Variants in ERN1 observed in about 807,000 individuals in gnomAD.
The protein encoded by ERN1 is endoplasmic reticulum to nucleus signaling 1.
In ERN1, 39 loss-of-function variants were observed where a neutral mutation model predicts 113.1. That is an observed-to-expected ratio of 0.34 (90% confidence interval 0.27 to 0.45). The LOEUF (loss-of-function observed/expected upper bound fraction) is 0.45, where lower values mean the gene tolerates loss of function less well. Among genes scored for constraint, ERN1 ranks in the 20% least tolerant of loss-of-function variants. The pLI, the probability that ERN1 is intolerant of heterozygous loss-of-function variation, is 1.00. For missense variants in ERN1, 976 were observed against 1,274.8 expected, an observed-to-expected ratio of 0.77 and a Z score of 3.57; for synonymous variants, 507 against 515.9, an observed-to-expected ratio of 0.98 and a Z score of 0.23.
chr17:64,118,685 G>C (rs1319888480), intron 1 of ERN1, among the ~76,000 whole-genome samples: 3 of 152,200 alleles, frequency 2.0e-5, no homozygotes, highest in African/African-American at 4.8e-5. Context: ...AGCTAATAAA[G>C]ATCCTCTGAG....
intron 1 of ERN1, among the ~76,000 whole-genome samples, chr17:64,127,610 C>T (rs1915113333): frequency 1.3e-5 from 2 of 151,906 alleles, no homozygotes; most frequent in South Asian, 4.2e-4. Flanking sequence ...AAAAATTAGC[C>T]GGGTGTAGTG....
chr17:64,088,081 GAAGT>G (rs1398048693), intron 2 of ERN1, among the ~76,000 whole-genome samples: 1 of 152,230 alleles, frequency 6.6e-6, no homozygotes, highest in Non-Finnish European at 1.5e-5. Context: ...CATGTAGGAA[GAAGT>G]AAGATCCCTT....
intron 2 of ERN1, among the ~76,000 whole-genome samples, chr17:64,089,318 CAAAAAAAAAAAAAA>C (rs34094164): frequency 1.7e-4 from 4 of 24,236 alleles, no homozygotes; most frequent in Non-Finnish European, 3.4e-4. Context: ...GAATCCATCT[CAAAAAAAAAAAAAA>C]AAAAAAAAAA....
In ERN1 at chr17:64,042,455, C is replaced by G. The variant is rs1398856904; in HGVS notation, c.*1533G>C. On this transcript the variant is annotated 3_prime_UTR_variant, in exon 22 of 22. Coordinates refer to ENST00000433197, the MANE Select transcript of ERN1 (RefSeq NM_001433.5). ...GAAAACATCTTACAACATGAAGAAA[C>G]AGTGATTTCTCTGTGAGTAAAATTC... 6.6e-6 allele frequency: 1 copy of G among 152,144 alleles called. No homozygotes were observed. Among genetic ancestry groups the G allele is most frequent in the East Asian group, 1.9e-4 (1 of 5,190 alleles). The allele number at this position is 152,144 out of a possible 1,614,324, so 9.4% of individuals were successfully genotyped here.
In ERN1 at chr17:64,042,542, T is replaced by TC. The variant is rs1241432972; in HGVS notation, c.*1445dup. 2 of 152,140 alleles carry TC rather than the reference T, an allele frequency of 1.3e-5. No homozygotes were observed. The highest frequency in any genetic ancestry group is 2.9e-5 in the Non-Finnish European group (2 of 68,040). 9.4% of individuals were successfully genotyped at this position (152,140 alleles called of 1,614,324 possible). A position where few individuals can be genotyped will look rare whatever the true frequency, so the allele number is the denominator to read the frequency against. ...GTTCACCAGGCCTGAGCTGCAATGA[T>TC]CCCCCAACTGGCTGGAGAAAGTACA... is the stretch of plus-strand genomic sequence containing the variant. On this transcript the variant is annotated 3_prime_UTR_variant, in exon 22 of 22. Coordinates refer to ENST00000433197, the MANE Select transcript of ERN1 (RefSeq NM_001433.5).
intron 1 of ERN1, among the ~76,000 whole-genome samples, chr17:64,119,438 G>C (rs991301035): frequency 1.5e-5 from 2 of 136,878 alleles, no homozygotes; most frequent in African/African-American, 2.9e-5. Context: ...CCCCAGGCTG[G>C]AGTGCAGTGG....
intron 2 of ERN1, among the ~76,000 whole-genome samples, chr17:64,081,329 A>G (rs1336236610): frequency 1.3e-5 from 2 of 152,238 alleles, no homozygotes; most frequent in African/African-American, 4.8e-5. Flanking sequence ...CCAAGTGTTC[A>G]TTCCCTTTGG....
chr17:64,074,531 T>C (rs1913528099), intron 5 of ERN1, among the ~76,000 whole-genome samples: 1 of 152,048 alleles, frequency 6.6e-6, no homozygotes, highest in Non-Finnish European at 1.5e-5. Flanking sequence ...CACATAAAGC[T>C]CCTCGAGGCA....
chr17:64,101,679 A>G (rs189859749), intron 1 of ERN1, among the ~76,000 whole-genome samples: 1 of 152,278 alleles, frequency 6.6e-6, no homozygotes, highest in African/African-American at 2.4e-5. Context: ...TTTGATCATT[A>G]ATCTCCACCA....
intron 17 of ERN1, among the ~76,000 whole-genome samples, chr17:64,051,789 C>G (rs1026377543): frequency 6.6e-6 from 1 of 152,064 alleles, no homozygotes; most frequent in Non-Finnish European, 1.5e-5. Context: ...AGCAAAATAC[C>G]AACTCTATAA....
In ERN1 at chr17:64,073,334, A is replaced by ATTTTT. The variant is rs775654259; in HGVS notation, c.356-1232_356-1231insAAAAA. Among the ~76,000 whole-genome samples, 24 of 134,380 alleles carry ATTTTT rather than the reference A, an allele frequency of 1.8e-4. 7 individuals are homozygous for ATTTTT. The highest frequency in any genetic ancestry group is 2.5e-4 in the Non-Finnish European group (16 of 63,252). 88.2% of individuals were successfully genotyped at this position (134,380 alleles called of 152,430 possible). A position where few individuals can be genotyped will look rare whatever the true frequency, so the allele number is the denominator to read the frequency against. ...CAGGTGCGTGCCACCACACCCAGCAAATTTTTTTTTTTTTTTTTTTTTAGT... is the reference window on the plus strand; with the variant it reads ...CAGGTGCGTGCCACCACACCCAGCAATTTTTATTTTTTTTTTTTTTTTTTTTTAGT... On this transcript the variant is annotated intron_variant, in intron 5 of 21. Coordinates refer to ENST00000433197, the MANE Select transcript of ERN1 (RefSeq NM_001433.5).
intron 8 of ERN1, 44 bp downstream of exon 8, chr17:64,066,627 C>T (rs375416976): frequency 6.9e-6 from 11 of 1,604,632 alleles, no homozygotes; most frequent in African/African-American, 1.3e-5. Context: ...CACCAGAACA[C>T]GAAGGCCACG....
At chr17:64,102,106 C>T (rs774602173) in intron 1 of ERN1, among the ~76,000 whole-genome samples, 10 of 151,986 alleles carry the variant, frequency 6.6e-5, no homozygotes, top group Admixed American at 5.2e-4. Context: ...ATGGTGAAAC[C>T]CCGTCTGTAC....
rs1022147653 is a variant in ERN1, at chr17:64,054,574, G to A, written c.1764-135C>T. ...CCCCGCCTGACTGCCTGGTGGCCCC[G>A]GAATCATCGCTTGTCTCAGTGTGCA... On this transcript the variant is annotated intron_variant, in intron 14 of 21. Transcript: ENST00000433197. This position sits in a 1 kb window ranked among gnomAD's most constrained non-coding sequence, Gnocchi z 4.9. The A allele has an allele frequency of 1.1e-5, 11 of 1,042,176 alleles. No individual in the cohort carries two copies. The highest frequency in any genetic ancestry group is 2.6e-5 in the East Asian group (1 of 38,358). The allele number at this position is 1,042,176 out of a possible 1,614,324, so 64.6% of individuals were successfully genotyped here. A position where few individuals can be genotyped will look rare whatever the true frequency, so the allele number is the denominator to read the frequency against.
At chr17:64,115,395 C>T (rs891460013) in intron 1 of ERN1, among the ~76,000 whole-genome samples, 1 of 152,182 alleles carries the variant, frequency 6.6e-6, no homozygotes, top group Non-Finnish European at 1.5e-5. Flanking sequence ...CAAGGCAATG[C>T]CGCCCCAAGG....
chr17:64,108,964 AAC>A, intron 1 of ERN1, among the ~76,000 whole-genome samples: 1 of 152,104 alleles, frequency 6.6e-6, no homozygotes, highest in East Asian at 1.9e-4. Flanking sequence ...CTCTACTAAA[AAC>A]ACAAAAAATT....
At chr17:64,071,904 T>C in intron 6 of ERN1, 77 bp downstream of exon 6, 2 of 1,499,280 alleles carry the variant, frequency 1.3e-6, no homozygotes, top group Non-Finnish European at 1.8e-6. Context: ...GGCCACCTTC[T>C]AGGGAAGGAG....
intron 1 of ERN1, chr17:64,098,615 G>C: frequency 5.7e-6 from 3 of 530,478 alleles, no homozygotes; most frequent in Non-Finnish European, 1.1e-5. Flanking sequence ...TGATAAAAAA[G>C]AATGCCAATA....
In ERN1 at chr17:64,057,941, C is replaced by CG; in HGVS notation, c.1258dup (p.Arg420ProfsTer23). On this transcript the variant is annotated frameshift_variant, in exon 12 of 22. Coordinates refer to ENST00000433197, the MANE Select transcript of ERN1 (RefSeq NM_001433.5). LOFTEE classifies it high-confidence loss of function. ...ATGGGCGGGCTTCTCCTCCACATCC[C>CG]GAGACACGGTGGTAGGTGCGTTTTC... 1 of 1,607,124 alleles carries CG rather than the reference C, an allele frequency of 6.2e-7. No individual in the cohort carries two copies.
Sources: gnomAD v4.1 joint callset for allele counts (sites outside exome capture counted in the v4.1 genomes callset) on GRCh38, gnomAD v4.1.1 for gene constraint, Gnocchi (gnomAD v3.1) non-coding constraint, MANE v1.5 for transcripts, NCBI Gene and HGNC (gene_info 2026-07-23, HGNC 2026-07-21) for gene names.